ADAM18: variants seen among roughly 807,000 people sequenced by gnomAD.
The protein encoded by ADAM18 is ADAM metallopeptidase domain 18, also known as disintegrin and metalloproteinase domain-containing protein 18.
In ADAM18, 117 loss-of-function variants were observed where a neutral mutation model predicts 94.4. The ratio of observed to expected loss-of-function variants is 1.24; its 90% CI spans 1.07 to 1.45. The LOEUF is 1.45. ADAM18 is among the 40% of genes most tolerant of loss of function. The pLI is 0.00. For synonymous variants in ADAM18, 327 were observed against 291.6 expected, an observed-to-expected ratio of 1.12 and a Z score of -1.24; for missense variants, 936 against 880.0, an observed-to-expected ratio of 1.06 and a Z score of -0.81.
intron 12 of ADAM18, among the ~76,000 whole-genome samples, chr8:39,650,729 C>T (rs550041748): frequency 4.6e-5 from 7 of 152,252 alleles, no homozygotes; most frequent in African/African-American, 1.7e-4. Flanking sequence ...TCTACATGTT[C>T]AATGTAATCT....
At chr8:39,651,561 A>G (rs1044496894) in intron 12 of ADAM18, among the ~76,000 whole-genome samples, 4 of 150,916 alleles carry the variant, frequency 2.7e-5, no homozygotes, top group African/African-American at 1.0e-4. Context: ...AACAAAGCAC[A>G]TCCTGCACAG....
intron 2 of ADAM18, among the ~76,000 whole-genome samples, chr8:39,587,136 C>T (rs747643971): frequency 2.2e-4 from 33 of 152,190 alleles, no homozygotes; most frequent in Non-Finnish European, 3.1e-4. Flanking sequence ...TATATGCATA[C>T]ACCCATGATA....
chr8:39,691,019 C>T (rs1821760617), intron 16 of ADAM18, among the ~76,000 whole-genome samples: 1 of 151,866 alleles, frequency 6.6e-6, no homozygotes, highest in Non-Finnish European at 1.5e-5. Flanking sequence ...ACTATGCAGT[C>T]CTAAAAAAGA....
intron 6 of ADAM18, 69 bp from the exon 7 acceptor site, chr8:39,629,305 A>G: frequency 1.6e-6 from 2 of 1,237,562 alleles, no homozygotes; most frequent in South Asian, 1.4e-5. Flanking sequence ...CTGTCTTTAC[A>G]TGTCATCTTT....
chr8:39,709,067 GT>G (rs1051713781), intron 18 of ADAM18, among the ~76,000 whole-genome samples: 1 of 152,214 alleles, frequency 6.6e-6, no homozygotes, highest in Admixed American at 6.5e-5. Flanking sequence ...CAGTGTGACA[GT>G]CTTTTGCATC....
At chr8:39,717,881 C>G (rs1484227070) in intron 18 of ADAM18, among the ~76,000 whole-genome samples, 1 of 151,182 alleles carries the variant, frequency 6.6e-6, no homozygotes, top group Non-Finnish European at 1.5e-5. Flanking sequence ...TGAAAACAAA[C>G]AAAGAACAAA....
At chr8:39,715,753 A>G (rs1196698427) in intron 18 of ADAM18, among the ~76,000 whole-genome samples, 1 of 152,108 alleles carries the variant, frequency 6.6e-6, no homozygotes, top group African/African-American at 2.4e-5. Context: ...GATGAAACAG[A>G]TAATTCTAAT....
chr8:39,600,264 A>G (rs1156972355), intron 2 of ADAM18, among the ~76,000 whole-genome samples: 2 of 152,158 alleles, frequency 1.3e-5, no homozygotes, highest in Non-Finnish European at 2.9e-5. Context: ...GTTTAAAATT[A>G]TTTCTAAATT....
intron 10 of ADAM18, among the ~76,000 whole-genome samples, chr8:39,643,001 T>A (rs185554074): frequency 6.6e-6 from 1 of 152,248 alleles, no homozygotes; most frequent in East Asian, 1.9e-4. Flanking sequence ...ATCTTTCACC[T>A]CCCTAGTTAG....
At chr8:39,645,739 C>A (rs544689979) in intron 11 of ADAM18, among the ~76,000 whole-genome samples, 8 of 152,192 alleles carry the variant, frequency 5.3e-5, no homozygotes, top group African/African-American at 1.9e-4. Context: ...GCAGAGGTTT[C>A]AAAACTTAGT....
At chr8:39,633,733 A>G (rs1432974844) in intron 7 of ADAM18, among the ~76,000 whole-genome samples, 1 of 152,052 alleles carries the variant, frequency 6.6e-6, no homozygotes. Context: ...ACTTATTTAT[A>G]GTAAAATTTG....
intron 13 of ADAM18, among the ~76,000 whole-genome samples, chr8:39,665,595 A>G (rs1820974849): frequency 6.6e-6 from 1 of 152,208 alleles, no homozygotes; most frequent in Non-Finnish European, 1.5e-5. Context: ...TGTAAATTGA[A>G]TGTAAACACT....
intron 15 of ADAM18, among the ~76,000 whole-genome samples, chr8:39,677,938 C>G (rs1231510538): frequency 6.6e-6 from 1 of 151,886 alleles, no homozygotes; most frequent in Admixed American, 6.6e-5. Context: ...TAATTGTGTC[C>G]AAAACATCAA....
chr8:39,592,420 C>T (rs1388291761), intron 2 of ADAM18, among the ~76,000 whole-genome samples: 1 of 152,064 alleles, frequency 6.6e-6, no homozygotes, highest in African/African-American at 2.4e-5. Flanking sequence ...TTCACCATAA[C>T]AAAGTCATGG....
intron 16 of ADAM18, among the ~76,000 whole-genome samples, chr8:39,685,813 C>T (rs936824416): frequency 2.6e-5 from 4 of 152,194 alleles, no homozygotes; most frequent in African/African-American, 9.6e-5. Context: ...TAACATATTT[C>T]TTCTTCTGTG....
chr8:39,716,822 GAT>G (rs1229027122), intron 18 of ADAM18, among the ~76,000 whole-genome samples: 2 of 151,700 alleles, frequency 1.3e-5, no homozygotes, highest in Non-Finnish European at 2.9e-5. Context: ...TCATTGTATT[GAT>G]ATCTATTTCT....
intron 2 of ADAM18, among the ~76,000 whole-genome samples, chr8:39,594,077 A>G (rs941955729): frequency 6.6e-6 from 1 of 152,106 alleles, no homozygotes; most frequent in South Asian, 2.1e-4. Context: ...GCTTATGTAT[A>G]AATTACCAGA....
intron 6 of ADAM18, among the ~76,000 whole-genome samples, chr8:39,618,080 A>G (rs186332035): frequency 1.8e-4 from 27 of 152,342 alleles, no homozygotes; most frequent in African/African-American, 5.5e-4. Flanking sequence ...ATACACATAG[A>G]CTGAAAGTAA....
Position 39,647,120 on chromosome 8 carries a change from G to GTGCAGTAT in ADAM18, c.1047-1224_1047-1223insTGCAGTAT, listed in dbSNP as rs143567089. ...GGAGACCGGCACTCAGTATACCAAG[G>GTGCAGTAT]ACCTGCACCGGCACCGGTCTCTGAG... is the stretch of plus-strand genomic sequence containing the variant. On this transcript the variant is annotated intron_variant, in intron 11 of 19. Coordinates refer to ENST00000265707, the MANE Select transcript of ADAM18 (RefSeq NM_014237.3). Among the ~76,000 whole-genome samples the GTGCAGTAT allele has an allele frequency of 5.7e-3, 863 of 151,740 alleles. 5 individuals are homozygous for GTGCAGTAT. Among genetic ancestry groups the GTGCAGTAT allele is most frequent in the African/African-American group, 0.02 (827 of 41,378 alleles).
Sources: gnomAD v4.1 joint callset for allele counts (sites outside exome capture counted in the v4.1 genomes callset) on GRCh38, gnomAD v4.1.1 for gene constraint, MANE v1.5 for transcripts, NCBI Gene and HGNC (gene_info 2026-07-23, HGNC 2026-07-21) for gene names.